EFTUD2: variants seen among roughly 807,000 people sequenced by gnomAD.
EFTUD2 encodes elongation factor Tu GTP binding domain containing 2.
A neutral mutation model predicts 114.3 loss-of-function variants in EFTUD2; 9 were observed. The ratio of observed to expected loss-of-function variants is 0.08; its 90% CI spans 0.05 to 0.14. The LOEUF (loss-of-function observed/expected upper bound fraction) is 0.14. Ranked by LOEUF, EFTUD2 falls within the 10% of genes least tolerant of loss-of-function variation. The probability of loss-of-function intolerance (pLI) is 1.00; values close to 1 mark genes in which losing one functional copy is unlikely to be tolerated. For synonymous variants in EFTUD2, 449 were observed against 462.3 expected (o/e 0.97, Z 0.37); for missense variants, 765 against 1,241.2 (o/e 0.62, Z 5.76).
chr17:44,885,906 G>A (rs1392787118), intron 3 of EFTUD2, among the ~76,000 whole-genome samples: 1 of 151,920 alleles, frequency 6.6e-6, no homozygotes, highest in East Asian at 2.0e-4. Flanking sequence ...TGGGATTACA[G>A]GCATGAGCCA....
intron 11 of EFTUD2, among the ~76,000 whole-genome samples, chr17:44,869,845 A>G (rs1193873058): frequency 3.3e-5 from 5 of 152,090 alleles, no homozygotes; most frequent in Non-Finnish European, 5.9e-5. Flanking sequence ...AGCTCACACT[A>G]TCACCTCACA....
chr17:44,852,832 C>T (rs191574636), intron 25 of EFTUD2, among the ~76,000 whole-genome samples: 36 of 152,218 alleles, frequency 2.4e-4, no homozygotes, highest in African/African-American at 8.2e-4. Flanking sequence ...CACTGACTTG[C>T]CTCAGCACTG....
At chr17:44,852,588 C>T (rs1357448696) in intron 25 of EFTUD2, 26 bp from the exon 26 acceptor site, 2 of 1,611,994 alleles carry the variant, frequency 1.2e-6, no homozygotes, top group African/African-American at 2.7e-5. Context: ...AAAGGCTGAG[C>T]CTCTAGTCAA....
At position 44,850,436 on chromosome 17, in the gene EFTUD2, C is replaced by T. The variant is rs1206865222; in HGVS notation, c.*838G>A. The T allele has an allele frequency of 1.4e-6, 2 of 1,447,380 alleles. No homozygotes were observed. Among genetic ancestry groups the T allele is most frequent in the East Asian group, 2.3e-5 (1 of 44,016 alleles). 89.7% of individuals were successfully genotyped at this position (1,447,380 alleles called of 1,614,324 possible). On this transcript the variant is annotated 3_prime_UTR_variant, in exon 28 of 28. Coordinates refer to ENST00000426333, the MANE Select transcript of EFTUD2 (RefSeq NM_004247.4). ...CCGGGGCTGTCCAACTCCCCTAACT[C>T]AATCCCTGGTACATTCCTAATAAAG... is the stretch of plus-strand genomic sequence containing the variant.
At chr17:44,899,252 C>G (rs1389014871) in intron 1 of EFTUD2, 117 bp downstream of exon 1, 1 of 152,212 alleles carries the variant, frequency 6.6e-6, no homozygotes, top group Non-Finnish European at 1.5e-5. Context: ...CTCAATTTAC[C>G]GATCCGTAAA....
intron 17 of EFTUD2, 118 bp from the exon 18 acceptor site, chr17:44,860,163 A>C: frequency 6.9e-7 from 1 of 1,444,146 alleles, no homozygotes; most frequent in Non-Finnish European, 9.5e-7. Flanking sequence ...CCCAACCAGG[A>C]GCCTGGTGCT....
chr17:44,879,423 A>G (rs1233897157), intron 9 of EFTUD2, 133 bp downstream of exon 9: 2 of 846,662 alleles, frequency 2.4e-6, no homozygotes, highest in Non-Finnish European at 3.8e-6. Flanking sequence ...TTAATTTTAG[A>G]GCAAATTTGA....
chr17:44,856,655 A>C (rs2050559865), intron 20 of EFTUD2, among the ~76,000 whole-genome samples: 1 of 152,144 alleles, frequency 6.6e-6, no homozygotes, highest in Non-Finnish European at 1.5e-5. Flanking sequence ...CTGGACAACA[A>C]AAAATAAAAA....
At chr17:44,887,184 C>T (rs1161288706) in intron 2 of EFTUD2, among the ~76,000 whole-genome samples, 1 of 152,132 alleles carries the variant, frequency 6.6e-6, no homozygotes, top group African/African-American at 2.4e-5. Flanking sequence ...CAGGTGCTGG[C>T]AAGGATGTGG....
chr17:44,862,992 C>G, intron 15 of EFTUD2, 86 bp from the exon 16 acceptor site: 1 of 1,160,438 alleles, frequency 8.6e-7, no homozygotes, highest in Non-Finnish European at 1.2e-6. Context: ...ACAGCAAGGA[C>G]ATGAGCTCTA....
chr17:44,866,455 G>A (rs1465626005), intron 13 of EFTUD2, among the ~76,000 whole-genome samples: 1 of 152,110 alleles, frequency 6.6e-6, no homozygotes, highest in Non-Finnish European at 1.5e-5. Flanking sequence ...CTGTCACCCA[G>A]GCTGGAGTGC....
At chr17:44,857,717 C>G (rs1280527238) in intron 19 of EFTUD2, 1 of 156,218 alleles carries the variant, frequency 6.4e-6, no homozygotes, top group Non-Finnish European at 1.4e-5. Context: ...TCAACTAGGA[C>G]AAGGAGGCCA....
intron 2 of EFTUD2, among the ~76,000 whole-genome samples, chr17:44,890,069 G>T (rs1473851915): frequency 6.6e-6 from 1 of 151,888 alleles, no homozygotes; most frequent in Non-Finnish European, 1.5e-5. Flanking sequence ...GTGCAGTGGC[G>T]CGATCTCAGC....
chr17:44,886,866 AG>A (rs1244614246), intron 2 of EFTUD2, 116 bp from the exon 3 acceptor site: 3 of 1,479,152 alleles, frequency 2.0e-6, no homozygotes, highest in Non-Finnish European at 2.7e-6. Context: ...TCTTATTCTG[AG>A]TTCTATGCCA....
intron 2 of EFTUD2, among the ~76,000 whole-genome samples, chr17:44,892,771 G>A (rs758525113): frequency 1.6e-4 from 24 of 150,930 alleles, no homozygotes; most frequent in Admixed American, 1.1e-3. Flanking sequence ...CTGAGTAGCT[G>A]GGATTACAGG....
At chr17:44,871,216 G>A (rs2050848005) in intron 11 of EFTUD2, among the ~76,000 whole-genome samples, 1 of 151,908 alleles carries the variant, frequency 6.6e-6, no homozygotes, top group African/African-American at 2.4e-5. Flanking sequence ...GTAGAGATGG[G>A]GTTTCGCCAT....
chr17:44,851,655 G>T, intron 27 of EFTUD2, 55 bp downstream of exon 27: 3 of 1,462,580 alleles, frequency 2.1e-6, no homozygotes, highest in Non-Finnish European at 1.8e-6. Context: ...GAGAGATCCT[G>T]CTTCTGAGAG....
intron 9 of EFTUD2, among the ~76,000 whole-genome samples, chr17:44,878,898 C>T (rs534408723): frequency 9.2e-5 from 14 of 152,192 alleles, no homozygotes; most frequent in African/African-American, 1.7e-4. Context: ...ATACAGAAGA[C>T]ACCCTGGTAT....
chr17:44,860,143 C>A, intron 17 of EFTUD2, 98 bp from the exon 18 acceptor site: 1 of 1,543,740 alleles, frequency 6.5e-7, no homozygotes, highest in Non-Finnish European at 8.9e-7. Context: ...TAGGATCAGA[C>A]TATGTATTCC....
Sources: gnomAD v4.1 joint callset for allele counts (sites outside exome capture counted in the v4.1 genomes callset) on GRCh38, gnomAD v4.1.1 for gene constraint, MANE v1.5 for transcripts, NCBI Gene and HGNC (gene_info 2026-07-23, HGNC 2026-07-21) for gene names.